PIK3C2B: variants seen among roughly 807,000 people sequenced by gnomAD.
PIK3C2B encodes the protein phosphatidylinositol 4-phosphate 3-kinase C2 domain-containing subunit beta.
Under a neutral mutation model 184.3 loss-of-function variants are expected in PIK3C2B, and 83 were observed. The observed-to-expected ratio is 0.45, with a 90% CI of 0.38 to 0.54. The LOEUF is 0.54. Among genes scored for constraint, PIK3C2B ranks in the 20% least tolerant of loss-of-function variants. The pLI, the probability that PIK3C2B is intolerant of heterozygous loss-of-function variation, is 0.00. For missense variants in PIK3C2B, 1,736 were observed against 2,113.5 expected (o/e 0.82, Z 3.50); for synonymous variants, 779 against 837.6 (o/e 0.93, Z 1.21).
Position 204,432,387 on chromosome 1 carries a change from C to T in PIK3C2B, c.3968G>A (p.Ser1323Asn), listed in dbSNP as rs762250492. Residue 1323 changes from serine (S) to asparagine (N), a missense_variant, in exon 27 of 33, where the codon AGC becomes AAC. By Grantham distance (46) the Ser-to-Asn change is conservative. Around this residue, in one of 8 missense-constraint regions of PIK3C2B, gnomAD observed 119 missense variants for 179.3 expected, o/e 0.66. Coordinates refer to ENST00000684373, the MANE Select transcript of PIK3C2B (RefSeq NM_001377334.1). ...TTYFTRLIES[S>N]LGSVATKLNF... ...GAGCTTTGTGGCTACACTGCCCAGG[C>T]TGGACTCAATCAACCTGGCAGGAGG... is the stretch of plus-strand genomic sequence containing the variant. 6.2e-7 allele frequency: 1 copy of T among 1,614,014 alleles called. No homozygotes were observed. The highest frequency in any genetic ancestry group is 8.5e-7 in the Non-Finnish European group (1 of 1,179,930).
intron 10 of PIK3C2B, among the ~76,000 whole-genome samples, chr1:204,456,464 G>A (rs1277744777): frequency 2.0e-5 from 3 of 152,098 alleles, no homozygotes; most frequent in Admixed American, 6.5e-5. Flanking sequence ...AAATCCAAAA[G>A]ACTGGGAATC....
intron 30 of PIK3C2B, 27 bp from the exon 31 acceptor site, chr1:204,427,781 G>T: frequency 6.6e-7 from 1 of 1,510,486 alleles, no homozygotes; most frequent in Non-Finnish European, 9.2e-7. Context: ...AACCATGAAG[G>T]GTCAAGAGGC....
chr1:204,458,494 A>ATTTTTTTT (rs1158541930), intron 8 of PIK3C2B, among the ~76,000 whole-genome samples: 1 of 142,118 alleles, frequency 7.0e-6, no homozygotes. Context: ...GGCTATGACA[A>ATTTTTTTT]TTTTTTTTTT....
chr1:204,479,104 C>T (rs1656933723), intron 1 of PIK3C2B, among the ~76,000 whole-genome samples: 1 of 152,180 alleles, frequency 6.6e-6, no homozygotes, highest in South Asian at 2.1e-4. Context: ...ATTTTGATTG[C>T]AGGGTCAGGA....
chr1:204,477,333 G>A (rs1459444684), intron 1 of PIK3C2B, among the ~76,000 whole-genome samples: 2 of 152,108 alleles, frequency 1.3e-5, no homozygotes, highest in Non-Finnish European at 2.9e-5. Context: ...CACAGAAGAG[G>A]GTTTCAGAAC....
In PIK3C2B at chr1:204,431,791, T is replaced by C. The variant is rs777194527; in HGVS notation, c.4158A>G (p.Ile1386Met). 4 of 1,614,154 alleles carry C rather than the reference T, an allele frequency of 2.5e-6. No homozygotes were observed. Among genetic ancestry groups the C allele is most frequent in the Admixed American group, 1.7e-5 (1 of 60,024 alleles). The stretch of plus-strand genomic sequence containing the variant: ...TCTCTCGCATCACCTTTACCACATA[T>C]ATCTGCAAAGGTCCAGATCTTAGGG... ...EKIFHPNKGY[I>M]YVVKVMRENT... The change falls in exon 28 of 33, where the codon ATA becomes ATG. Residue 1386 changes from isoleucine to methionine, a missense_variant and splice_region_variant. Physicochemically the swap from Ile to Met is conservative, Grantham distance 10. This residue lies in a region of PIK3C2B where 200 missense variants were observed against 199.1 expected (regional missense o/e 1.00). Transcript: ENST00000684373.
chr1:204,469,212 T>A lies in PIK3C2B; in HGVS notation c.591A>T (p.Gln197His), dbSNP rs17847778. 4.5e-4 allele frequency: 722 copies of A among 1,608,408 alleles called. 4 individuals are homozygous for A. In the African/African-American group the frequency reaches 8.9e-3, roughly 20 times the overall value. ...SDINTFSLVE[Q>H]LPGKLLEHRI... ...GATGCTCTAGCAGTTTGCCCGGCAA[T>A]TGTTCGACCAAAGAGAAAGTGTTGA... The change falls in exon 2 of 33, where the codon CAA (glutamine) becomes CAT (histidine). Residue 197 changes from glutamine to histidine, a missense_variant. Gln to His is a conservative substitution (Grantham distance 24, BLOSUM62 0). This residue lies in a region of PIK3C2B where 404 missense variants were observed against 418.0 expected (regional missense o/e 0.97). Transcript: ENST00000684373.
rs2103460221 is a variant in PIK3C2B at position 204,424,703 on chromosome 1, C to T, written c.*149G>A. On this transcript the variant is annotated 3_prime_UTR_variant, in exon 33 of 33. Coordinates refer to ENST00000684373, the MANE Select transcript of PIK3C2B (RefSeq NM_001377334.1). ...AGCAGAGCATGTCTTACTCTCCCTGCCTCCTACCACAGAGGCCAGAATCAC... is the reference window on the plus strand; with the variant it reads ...AGCAGAGCATGTCTTACTCTCCCTGTCTCCTACCACAGAGGCCAGAATCAC... The T allele has an allele frequency of 3.7e-6, 3 of 808,316 alleles. No individual in the cohort carries two copies. Among genetic ancestry groups the T allele is most frequent in the East Asian group, 2.4e-5 (1 of 41,302 alleles). 50.1% of individuals were successfully genotyped at this position (808,316 alleles called of 1,614,324 possible).
chr1:204,463,548 T>C (rs1289544388), intron 5 of PIK3C2B, among the ~76,000 whole-genome samples: 1 of 152,084 alleles, frequency 6.6e-6, no homozygotes, highest in Non-Finnish European at 1.5e-5. Flanking sequence ...GGAAAAGACT[T>C]GTTGGCAGGA....
intron 1 of PIK3C2B, among the ~76,000 whole-genome samples, chr1:204,493,596 A>G (rs1317641999): frequency 6.6e-6 from 1 of 150,678 alleles, no homozygotes; most frequent in Non-Finnish European, 1.5e-5. Flanking sequence ...AACCTCATAC[A>G]TTTGGTAACC....
chr1:204,431,469 A>T (rs1675051262), intron 28 of PIK3C2B, 200 bp downstream of exon 28: 1 of 621,838 alleles, frequency 1.6e-6, no homozygotes, highest in East Asian at 2.8e-5. Context: ...GTGGGCCTGG[A>T]GTGAGAGCTC....
At chr1:204,491,285 A>T (rs1007315721) in intron 1 of PIK3C2B, among the ~76,000 whole-genome samples, 1 of 152,072 alleles carries the variant, frequency 6.6e-6, no homozygotes, top group African/African-American at 2.4e-5. Flanking sequence ...GCTACTCGGG[A>T]GGCTGAAGCA....
At chr1:204,464,716 GC>G in intron 3 of PIK3C2B, 112 bp from the exon 4 acceptor site, 1 of 1,013,834 alleles carries the variant, frequency 9.9e-7, no homozygotes, top group Non-Finnish European at 1.4e-6. Flanking sequence ...TCCCCACTCA[GC>G]CCAGCCCTCC....
chr1:204,477,769 C>T (rs1353292876), intron 1 of PIK3C2B, among the ~76,000 whole-genome samples: 1 of 152,134 alleles, frequency 6.6e-6, no homozygotes, highest in East Asian at 1.9e-4. Flanking sequence ...TACCCTGAGC[C>T]ACAGATTGGA....
chr1:204,492,630 G>A (rs1464172198), intron 1 of PIK3C2B, among the ~76,000 whole-genome samples: 1 of 152,104 alleles, frequency 6.6e-6, no homozygotes, highest in Non-Finnish European at 1.5e-5. Context: ...TCATGACAAA[G>A]ACCAAAGGCA....
intron 23 of PIK3C2B, 41 bp downstream of exon 23, chr1:204,438,893 GC>G: frequency 6.4e-7 from 1 of 1,553,328 alleles, no homozygotes; most frequent in Non-Finnish European, 8.8e-7. Flanking sequence ...CCGGCATCAG[GC>G]ACACACACAC....
rs909549570 is a variant in PIK3C2B at position 204,438,934 on chromosome 1, C to T, written c.3516+1G>A. On this transcript the variant is annotated splice_donor_variant, in intron 23 of 32. Transcript: ENST00000684373. LOFTEE classifies it high-confidence loss of function. ...GACGCACTCCCCACCCACAACCCTA[C>T]CTTCTCATACTCGTCCTCCCCAGGG... 1.2e-6 allele frequency: 2 copies of T among 1,613,126 alleles called. No individual in the cohort carries two copies. Among genetic ancestry groups the T allele is most frequent in the African/African-American group, 1.3e-5 (1 of 74,930 alleles).
At chr1:204,468,115 G>C (rs934584717) in intron 2 of PIK3C2B, among the ~76,000 whole-genome samples, 11 of 152,224 alleles carry the variant, frequency 7.2e-5, no homozygotes, top group Non-Finnish European at 1.5e-4. Flanking sequence ...TTCATTGTGA[G>C]AAGAGAATGA....
Position 204,423,721 on chromosome 1 carries a change from T to A in PIK3C2B, c.*1131A>T, listed in dbSNP as rs61758023. On this transcript the variant is annotated 3_prime_UTR_variant, in exon 33 of 33. Transcript: ENST00000684373. ...CCCCACAGAATGAGGAAAAGTCTTATAAAAAGGGTGACAGAAATGGAGTTT... is the reference window on the plus strand; with the variant it reads ...CCCCACAGAATGAGGAAAAGTCTTAAAAAAAGGGTGACAGAAATGGAGTTT... The A allele has an allele frequency of 0.065, 9,953 of 152,512 alleles. 540 individuals carry two copies. Among genetic ancestry groups the A allele is most frequent in the African/African-American group, 0.15 (6,294 of 41,448 alleles). 9.4% of individuals were successfully genotyped at this position (152,512 alleles called of 1,614,324 possible).
Sources: allele counts gnomAD v4.1 joint callset (sites outside exome capture counted in the v4.1 genomes callset), GRCh38; gene constraint gnomAD v4.1.1; regional missense constraint gnomAD v4.1.1; transcripts MANE v1.5; gene names NCBI Gene and HGNC (gene_info 2026-07-23, HGNC 2026-07-21).